MAK: variants seen among roughly 807,000 people sequenced by gnomAD.
MAK encodes the protein serine/threonine-protein kinase MAK.
Under a neutral mutation model 82.6 loss-of-function variants are expected in MAK, and 65 were observed. The observed-to-expected ratio is 0.79, with a 90% CI of 0.64 to 0.97. The LOEUF is 0.97. Among genes scored for constraint, MAK ranks in the 50% least tolerant of loss-of-function variants. The probability of loss-of-function intolerance (pLI) is 0.00; values close to 1 mark genes in which losing one functional copy is unlikely to be tolerated. For missense variants in MAK, 703 were observed against 780.2 expected (o/e 0.90, Z 1.18); for synonymous variants, 250 against 274.2 (o/e 0.91, Z 0.87).
chr6:10,803,598 C>G (rs547275505), intron 7 of MAK, 122 bp downstream of exon 7: 1 of 776,072 alleles, frequency 1.3e-6, no homozygotes, highest in East Asian at 2.7e-5. Flanking sequence ...GAGCCTATTT[C>G]AAAATGAAAA....
At position 10,770,116 on chromosome 6, in the gene MAK, G is replaced by A. The variant is rs756558713; in HGVS notation, c.1787C>T (p.Ala596Val). 2 of 1,614,176 alleles carry A rather than the reference G, an allele frequency of 1.2e-6. No individual in the cohort carries two copies. The highest frequency in any genetic ancestry group is 3.3e-5 in the Admixed American group (2 of 60,016). The part of the protein sequence containing the change: ...RIHLAPLNAT[A>V]SEYTWNTKTG... ...GTATCTGAAGTTGTTCCTACCTGAAGCCGTTGCATTGAGAGGTGCTAAGTG... is the reference window on the plus strand; with the variant it reads ...GTATCTGAAGTTGTTCCTACCTGAAACCGTTGCATTGAGAGGTGCTAAGTG... Residue 596 changes from alanine to valine, a missense_variant, in exon 14 of 15, where the codon GCT becomes GTT. By Grantham distance (64) the Ala-to-Val change is moderately conservative (BLOSUM62 0). Transcript: ENST00000354489.
intron 8 of MAK, among the ~76,000 whole-genome samples, chr6:10,801,448 ACACTCCAGTCCCAG>A (rs1454442584): frequency 6.6e-6 from 1 of 152,232 alleles, no homozygotes; most frequent in East Asian, 1.9e-4. Context: ...CAGAGGCTGC[ACACTCCAGTCCCAG>A]CAAGGGATGA....
chr6:10,801,659 T>G (rs1231427559), intron 8 of MAK, among the ~76,000 whole-genome samples: 1 of 152,234 alleles, frequency 6.6e-6, no homozygotes, highest in African/African-American at 2.4e-5. Context: ...TCAGGGTTCT[T>G]CATTTGAACC....
chr6:10,834,344 T>TAGGATCAACTAG (rs1460815943), intron 1 of MAK, among the ~76,000 whole-genome samples: 1 of 152,216 alleles, frequency 6.6e-6, no homozygotes, highest in African/African-American at 2.4e-5. Flanking sequence ...ATGACCTGTC[T>TAGGATCAACTAG]AGGATCAACT....
chr6:10,826,519 A>T (rs935051713), intron 2 of MAK: 3 of 152,196 alleles, frequency 2.0e-5, no homozygotes, highest in Non-Finnish European at 4.4e-5. Flanking sequence ...CAAGTCTTCC[A>T]TGGGACTCCT....
chr6:10,800,753 T>G lies in MAK; in HGVS notation c.831+1139A>C, dbSNP rs1217811643. ...ACTCGGGAGGCTGAGGGTGGGAGAA[T>G]CACTTGAACCCAGGAGGCAGAGGTT... On this transcript the variant is annotated intron_variant, in intron 8 of 14. Coordinates refer to ENST00000354489, the MANE Select transcript of MAK (RefSeq NM_001242957.3). This position sits in a 1 kb window ranked among gnomAD's most constrained non-coding sequence, Gnocchi z 4.2. Among the ~76,000 whole-genome samples, 1 of 151,974 alleles carries G rather than the reference T, an allele frequency of 6.6e-6. No homozygotes were observed. The highest frequency in any genetic ancestry group is 1.5e-5 in the Non-Finnish European group (1 of 68,000).
At chr6:10,782,368 T>C (rs1163580344) in intron 11 of MAK, among the ~76,000 whole-genome samples, 1 of 152,096 alleles carries the variant, frequency 6.6e-6, no homozygotes, top group Non-Finnish European at 1.5e-5. Context: ...CAAATACGTG[T>C]CTTCCTCCTT....
intron 10 of MAK, among the ~76,000 whole-genome samples, chr6:10,787,111 G>A (rs1395537195): frequency 3.4e-5 from 5 of 144,964 alleles, no homozygotes; most frequent in South Asian, 2.2e-4. Flanking sequence ...TCACCACTCC[G>A]CTAATGCACC....
At chr6:10,810,047 G>A (rs569334982) in intron 5 of MAK, among the ~76,000 whole-genome samples, 1 of 143,660 alleles carries the variant, frequency 7.0e-6, no homozygotes, top group East Asian at 2.1e-4. Context: ...GCAGTGAGCT[G>A]AGATCATGCC....
At chr6:10,808,177 G>C (rs1219066105) in intron 6 of MAK, among the ~76,000 whole-genome samples, 1 of 152,114 alleles carries the variant, frequency 6.6e-6, no homozygotes, top group Non-Finnish European at 1.5e-5. Flanking sequence ...TGACTTTCAT[G>C]GCACAGATTA....
intron 9 of MAK, among the ~76,000 whole-genome samples, chr6:10,794,042 G>A (rs1775306873): frequency 6.6e-6 from 1 of 152,212 alleles, no homozygotes; most frequent in Non-Finnish European, 1.5e-5. Context: ...TATATGCAGA[G>A]CCCTTAAGGG....
rs1261866656 is a variant in MAK, at chr6:10,776,152, GGGAAAACAGACACGTGACTAAGAACTCA to G, written c.1466-721_1466-694del. On this transcript the variant is annotated intron_variant, in intron 11 of 14. Transcript: ENST00000354489. The surrounding 1 kb of genome is among the most constrained non-coding windows in gnomAD (Gnocchi z 4.3). ...TCTTGGCCCAACCCTTGGTGTAGCAGGGAAAACAGACACGTGACTAAGAACTCAGGAAAACCTTTGAAGTTCGGAGGTA... is the reference window on the plus strand; with the variant it reads ...TCTTGGCCCAACCCTTGGTGTAGCAGGGAAAACCTTTGAAGTTCGGAGGTA... 6.6e-6 allele frequency among the ~76,000 whole-genome samples: 1 copy of G among 152,066 alleles called. No homozygotes were observed. Among genetic ancestry groups the G allele is most frequent in the East Asian group, 1.9e-4 (1 of 5,190 alleles).
At chr6:10,818,103 A>C in intron 3 of MAK, 132 bp from the exon 4 acceptor site, 1 of 510,436 alleles carries the variant, frequency 2.0e-6, no homozygotes, top group South Asian at 2.2e-5. Context: ...AATTAATTAC[A>C]TTTTAATATC....
intron 11 of MAK, among the ~76,000 whole-genome samples, chr6:10,783,777 T>G (rs1352413670): frequency 1.3e-5 from 2 of 152,120 alleles, no homozygotes; most frequent in Non-Finnish European, 2.9e-5. Flanking sequence ...TCTCAGCACT[T>G]TGGGAGGCCA....
In MAK at chr6:10,817,872, G is replaced by T. The variant is rs867424029; in HGVS notation, c.256C>A (p.Leu86Ile). ...TACCTGTCTTTCATTAATTGATAGA[G>T]GTTTTCTTTCATATATTCAAATATA... ...YFIFEYMKEN[L>I]YQLMKDRNKL... The change falls in exon 4 of 15, where the codon CTC becomes ATC. Residue 86 changes from leucine to isoleucine, a missense_variant. Transcript: ENST00000354489. 1 of 1,470,546 alleles carries T rather than the reference G, an allele frequency of 6.8e-7. No individual in the cohort carries two copies. Among genetic ancestry groups the T allele is most frequent in the Non-Finnish European group, 9.4e-7 (1 of 1,065,360 alleles). The allele number at this position is 1,470,546 out of a possible 1,614,324, so 91.1% of individuals were successfully genotyped here. A position where few individuals can be genotyped will look rare whatever the true frequency, so the allele number is the denominator to read the frequency against.
In MAK at chr6:10,784,573, C is replaced by T. The variant is rs1484775182; in HGVS notation, c.1317-1G>A. Reference sequence around the variant, plus strand: ...GCCTGAGGGTACTGGCTCTGGAAGCCTTGAAAGCCAATGAAAGGTAGCATT... The same window carrying T: ...GCCTGAGGGTACTGGCTCTGGAAGCTTTGAAAGCCAATGAAAGGTAGCATT... On this transcript the variant is annotated splice_acceptor_variant, in intron 10 of 14. Coordinates refer to ENST00000354489, the MANE Select transcript of MAK (RefSeq NM_001242957.3). LOFTEE classifies it high-confidence loss of function. The T allele has an allele frequency of 6.2e-7, 1 of 1,613,776 alleles. No homozygotes were observed.
At chr6:10,829,585 C>T (rs974670703) in intron 2 of MAK, among the ~76,000 whole-genome samples, 4 of 151,970 alleles carry the variant, frequency 2.6e-5, no homozygotes, top group South Asian at 2.1e-4. Context: ...CAAACAAAAA[C>T]GAAAACCAAC....
chr6:10,830,282 C>G (rs1019882443), intron 2 of MAK, among the ~76,000 whole-genome samples: 1 of 151,484 alleles, frequency 6.6e-6, no homozygotes, highest in Admixed American at 6.6e-5. Context: ...TCTCCTGCCT[C>G]GGCCTCCTGA....
At chr6:10,814,646 GAC>G (rs370999894) in intron 4 of MAK, among the ~76,000 whole-genome samples, 28 of 151,076 alleles carry the variant, frequency 1.9e-4, no homozygotes, top group African/African-American at 5.1e-4. Flanking sequence ...CCAGCCTGGT[GAC>G]AGAGTGAGAT....
Sources: allele counts gnomAD v4.1 joint callset (sites outside exome capture counted in the v4.1 genomes callset), GRCh38; gene constraint gnomAD v4.1.1; non-coding constraint Gnocchi (gnomAD v3.1); transcripts MANE v1.5; gene names NCBI Gene and HGNC (gene_info 2026-07-23, HGNC 2026-07-21).